CNTNAP4: variants seen among roughly 807,000 people sequenced by gnomAD.
CNTNAP4 encodes the protein contactin associated protein family member 4, also known as contactin-associated protein-like 4.
A neutral mutation model predicts 148.4 loss-of-function variants in CNTNAP4; 98 were observed. The ratio of observed to expected loss-of-function variants is 0.66; its 90% CI spans 0.56 to 0.78. The LOEUF (loss-of-function observed/expected upper bound fraction) is 0.78, where lower values mean the gene tolerates loss of function less well. Among genes scored for constraint, CNTNAP4 ranks in the 30% least tolerant of loss-of-function variants. CNTNAP4 has a pLI of 0.00. For missense variants in CNTNAP4, 1,935 were observed against 1,565.6 expected (o/e 1.24, Z -3.98); for synonymous variants, 730 against 565.1 (o/e 1.29, Z -4.14).
At chr16:76,530,970 G>T (rs964877859) in intron 17 of CNTNAP4, among the ~76,000 whole-genome samples, 3 of 152,122 alleles carry the variant, frequency 2.0e-5, no homozygotes, top group African/African-American at 7.2e-5. Flanking sequence ...CAGCCTGCAT[G>T]CCCTGTCACT....
At chr16:76,424,333 A>G (rs554620984) in intron 3 of CNTNAP4, among the ~76,000 whole-genome samples, 1 of 152,150 alleles carries the variant, frequency 6.6e-6, no homozygotes, top group Non-Finnish European at 1.5e-5. Flanking sequence ...TTCACTCTGC[A>G]AGAAATTATA....
chr16:76,339,123 G>A (rs1012438669), intron 2 of CNTNAP4, among the ~76,000 whole-genome samples: 9 of 152,098 alleles, frequency 5.9e-5, no homozygotes, highest in African/African-American at 1.9e-4. Flanking sequence ...CAGAATATGC[G>A]ATTAGGGAGA....
At chr16:76,474,168 A>G (rs1399475120) in intron 10 of CNTNAP4, among the ~76,000 whole-genome samples, 3 of 152,198 alleles carry the variant, frequency 2.0e-5, no homozygotes, top group East Asian at 3.9e-4. Flanking sequence ...TGGTGCTTAA[A>G]GAAGTTAGGC....
chr16:76,312,439 A>G (rs1961227540), intron 1 of CNTNAP4, among the ~76,000 whole-genome samples: 2 of 152,324 alleles, frequency 1.3e-5, no homozygotes, highest in Admixed American at 1.3e-4. Context: ...AATTAAACTC[A>G]GGAGACTCAT....
intron 19 of CNTNAP4, among the ~76,000 whole-genome samples, chr16:76,539,453 G>T (rs922692955): frequency 5.9e-5 from 9 of 152,046 alleles, no homozygotes; most frequent in Non-Finnish European, 1.2e-4. Context: ...CAAGTGCAGA[G>T]ATTTGCATAT....
Position 76,540,719 on chromosome 16 carries a change from G to A in CNTNAP4, c.3371G>A (p.Arg1124Lys). ...VVFIEIDDNRRRQVHLSSGTE... is the reference protein window; with the variant it reads ...VVFIEIDDNRKRQVHLSSGTE... Reference sequence around the variant, plus strand: ...ATTTTGTAGATTGACGATAATAGAAGGAGACAAGTTCACCTGTCATCAGGC... The same window carrying A: ...ATTTTGTAGATTGACGATAATAGAAAGAGACAAGTTCACCTGTCATCAGGC... Residue 1124 changes from arginine (R) to lysine (K), a missense_variant, in exon 21 of 24, where the codon AGG becomes AAG. Coordinates refer to ENST00000611870, the MANE Select transcript of CNTNAP4 (RefSeq NM_033401.5). 2 of 1,570,554 alleles carry A rather than the reference G, an allele frequency of 1.3e-6. No homozygotes were observed. The highest frequency in any genetic ancestry group is 8.7e-7 in the Non-Finnish European group (1 of 1,155,662).
intron 1 of CNTNAP4, among the ~76,000 whole-genome samples, chr16:76,278,882 T>C (rs953486720): frequency 5.9e-5 from 9 of 152,186 alleles, no homozygotes; most frequent in Admixed American, 1.3e-4. Context: ...TCACAGTACC[T>C]GGCTCCCGTG....
At chr16:76,381,230 C>T (rs2015934321) in intron 3 of CNTNAP4, among the ~76,000 whole-genome samples, 1 of 152,084 alleles carries the variant, frequency 6.6e-6, no homozygotes, top group Non-Finnish European at 1.5e-5. Context: ...ATTCTCCAAA[C>T]CTCAGCAGCT....
chr16:76,471,143 C>T (rs978261619), intron 10 of CNTNAP4, among the ~76,000 whole-genome samples: 5 of 151,970 alleles, frequency 3.3e-5, no homozygotes, highest in East Asian at 3.9e-4. Flanking sequence ...CTTAGAAGCC[C>T]TCCCCTTGTC....
intron 4 of CNTNAP4, among the ~76,000 whole-genome samples, chr16:76,442,760 T>C (rs2080093741): frequency 6.6e-6 from 1 of 152,114 alleles, no homozygotes; most frequent in African/African-American, 2.4e-5. Context: ...GGGATCTGCC[T>C]CATGGTTCAA....
At chr16:76,409,120 A>C (rs958196053) in intron 3 of CNTNAP4, among the ~76,000 whole-genome samples, 1 of 152,026 alleles carries the variant, frequency 6.6e-6, no homozygotes, top group African/African-American at 2.4e-5. Flanking sequence ...TTTACACTAC[A>C]TGTGGCATTA....
At chr16:76,454,996 A>C (rs1306456613) in intron 8 of CNTNAP4, among the ~76,000 whole-genome samples, 1 of 152,224 alleles carries the variant, frequency 6.6e-6, no homozygotes, top group Non-Finnish European at 1.5e-5. Flanking sequence ...TTGAATTATC[A>C]GACTAAATTT....
chr16:76,322,981 C>T lies in CNTNAP4; in HGVS notation c.196+6458C>T, dbSNP rs115547799. 2.0e-3 allele frequency among the ~76,000 whole-genome samples: 298 copies of T among 151,846 alleles called. 3 individuals are homozygous for T. The highest frequency in any genetic ancestry group is 6.8e-3 in the African/African-American group (280 of 41,412). ...TGCTGAGTATCTGGGTGTACAGGCACGCACCACCACACCCACCTAATTTTT... is the reference window on the plus strand; with the variant it reads ...TGCTGAGTATCTGGGTGTACAGGCATGCACCACCACACCCACCTAATTTTT... On this transcript the variant is annotated intron_variant, in intron 2 of 23. Coordinates refer to ENST00000611870, the MANE Select transcript of CNTNAP4 (RefSeq NM_033401.5).
intron 16 of CNTNAP4, 70 bp downstream of exon 16, chr16:76,521,380 A>G (rs1053340305): frequency 7.0e-6 from 9 of 1,279,706 alleles, no homozygotes; most frequent in Non-Finnish European, 9.7e-6. Context: ...ACTAATTTTT[A>G]AACTACTCAT....
At chr16:76,279,568 G>A (rs74773186) in intron 1 of CNTNAP4, among the ~76,000 whole-genome samples, 5,029 of 152,164 alleles carry the variant, frequency 0.033, 111 homozygotes, top group Middle Eastern at 0.082. Flanking sequence ...TATTCTTTCA[G>A]CCTTGGTTTG....
chr16:76,403,425 G>A (rs920628300), intron 3 of CNTNAP4, among the ~76,000 whole-genome samples: 2 of 152,032 alleles, frequency 1.3e-5, no homozygotes, highest in African/African-American at 4.8e-5. Context: ...CGTATATATG[G>A]CTAACAAGCA....
chr16:76,380,930 T>C (rs2015904840), intron 3 of CNTNAP4, among the ~76,000 whole-genome samples: 1 of 152,184 alleles, frequency 6.6e-6, no homozygotes, highest in Non-Finnish European at 1.5e-5. Flanking sequence ...TTCTTTTAAG[T>C]TAGTTGTCTA....
chr16:76,538,284 T>C lies in CNTNAP4; in HGVS notation c.3164T>C (p.Leu1055Pro). 1.2e-6 allele frequency: 2 copies of C among 1,609,448 alleles called. No individual in the cohort carries two copies. Among genetic ancestry groups the C allele is most frequent in the Non-Finnish European group, 8.5e-7 (1 of 1,178,264 alleles). ...SFRTTRTPSL[L>P]LFVSSFYKEY... ...CGAACAACACGAACACCAAGCTTGC[T>C]GCTTTTTGTGAGCTCCTTTTACAAA... is the stretch of plus-strand genomic sequence containing the variant. The change falls in exon 19 of 24, where the codon CTG becomes CCG. Residue 1055 changes from leucine to proline, a missense_variant. Coordinates refer to ENST00000611870, the MANE Select transcript of CNTNAP4 (RefSeq NM_033401.5).
At position 76,355,410 on chromosome 16, in the gene CNTNAP4, C is replaced by G. The variant is rs2012459115; in HGVS notation, c.289C>G (p.Gln97Glu). 3 of 1,611,998 alleles carry G rather than the reference C, an allele frequency of 1.9e-6. No homozygotes were observed. The highest frequency in any genetic ancestry group is 1.7e-6 in the Non-Finnish European group (2 of 1,178,872). Residue 97 changes from glutamine to glutamate, a missense_variant, in exon 3 of 24, where the codon CAA becomes GAA. Coordinates refer to ENST00000611870, the MANE Select transcript of CNTNAP4 (RefSeq NM_033401.5). The part of the protein sequence containing the change: ...ERMEVTAVAT[Q>E]GGYGSSNWVT... ...AATGGAGGTCACCGCTGTGGCCACT[C>G]AAGGGGGATATGGTAGCTCCAACTG...
Sources: gnomAD v4.1 joint callset for allele counts (sites outside exome capture counted in the v4.1 genomes callset) on GRCh38, gnomAD v4.1.1 for gene constraint, MANE v1.5 for transcripts, NCBI Gene and HGNC (gene_info 2026-07-23, HGNC 2026-07-21) for gene names.